CSNK2A2IP: variants seen among roughly 807,000 people sequenced by gnomAD.
CSNK2A2IP encodes casein kinase II subunit alpha'-interacting protein.
At chr3:88,405,490 G>A in the CSNK2A2IP span, among the ~76,000 whole-genome samples, 6 of 152,132 alleles carry the variant, frequency 3.9e-5, no homozygotes, top group Admixed American at 2.0e-4. Context: ...TTGATCAAAA[G>A]TCAGAAAGCT....
chr3:88,420,481 A>C, the CSNK2A2IP span, among the ~76,000 whole-genome samples: 2 of 152,168 alleles, frequency 1.3e-5, no homozygotes, highest in Non-Finnish European at 2.9e-5. Context: ...TTTTTAAATG[A>C]GATTTATAAA....
chr3:88,380,085 G>T, the CSNK2A2IP span, among the ~76,000 whole-genome samples: 2 of 151,946 alleles, frequency 1.3e-5, no homozygotes, highest in Admixed American at 1.3e-4. Flanking sequence ...GTTGACAAAA[G>T]CATACATGCT....
the CSNK2A2IP span, among the ~76,000 whole-genome samples, chr3:88,454,715 A>G: frequency 3.3e-5 from 5 of 151,962 alleles, no homozygotes; most frequent in Admixed American, 6.6e-5. Context: ...TGATATATGT[A>G]TACATTGTGA....
At chr3:88,455,920 A>G in the CSNK2A2IP span, among the ~76,000 whole-genome samples, 1 of 149,228 alleles carries the variant, frequency 6.7e-6, no homozygotes. Flanking sequence ...TTTTTTTTTG[A>G]GTGTGGATAT....
At chr3:88,365,182 G>A in the CSNK2A2IP span, among the ~76,000 whole-genome samples, 1 of 152,140 alleles carries the variant, frequency 6.6e-6, no homozygotes, top group Non-Finnish European at 1.5e-5. Context: ...ACAGCTGGAA[G>A]GATTAGAGGA....
At chr3:88,368,374 A>G in the CSNK2A2IP span, among the ~76,000 whole-genome samples, 2 of 152,052 alleles carry the variant, frequency 1.3e-5, no homozygotes, top group African/African-American at 4.8e-5. Flanking sequence ...AGTTGGCTAG[A>G]GAGTGATCGA....
At chr3:88,463,730 G>A in the CSNK2A2IP span, among the ~76,000 whole-genome samples, 1 of 152,266 alleles carries the variant, frequency 6.6e-6, no homozygotes, top group East Asian at 1.9e-4. Flanking sequence ...CAACCATTGT[G>A]GAAGTTGGCG....
the CSNK2A2IP span, among the ~76,000 whole-genome samples, chr3:88,357,356 C>T: frequency 6.6e-6 from 1 of 151,956 alleles, no homozygotes; most frequent in Admixed American, 6.6e-5. Flanking sequence ...ATGTTCTTGG[C>T]ACTTTTGCTA....
chr3:88,446,082 C>CTTTA, the CSNK2A2IP span, among the ~76,000 whole-genome samples: 69 of 99,076 alleles, frequency 7.0e-4, 2 homozygotes, highest in African/African-American at 2.5e-3. Flanking sequence ...TTCTTTCTTT[C>CTTTA]TTTCTTTCTT....
chr3:88,432,674 A>G, the CSNK2A2IP span, among the ~76,000 whole-genome samples: 2 of 151,444 alleles, frequency 1.3e-5, no homozygotes, highest in African/African-American at 2.4e-5. Flanking sequence ...TTCTAAATAC[A>G]TACAAACTAA....
chr3:88,404,362 C>T, the CSNK2A2IP span, among the ~76,000 whole-genome samples: 1 of 152,014 alleles, frequency 6.6e-6, no homozygotes, highest in African/African-American at 2.4e-5. Context: ...TCAGAGACTG[C>T]GGTAATAAGA....
chr3:88,397,617 C>T, the CSNK2A2IP span, among the ~76,000 whole-genome samples: 1 of 151,826 alleles, frequency 6.6e-6, no homozygotes, highest in Non-Finnish European at 1.5e-5. Flanking sequence ...ATTTAATAGA[C>T]TGAGGAAGAA....
At chr3:88,351,250 C>T in the CSNK2A2IP span, among the ~76,000 whole-genome samples, 6 of 151,942 alleles carry the variant, frequency 3.9e-5, no homozygotes, top group East Asian at 1.2e-3. Flanking sequence ...AAACTTCATT[C>T]ATATTAAAAA....
At chr3:88,338,685 CTA>C in the CSNK2A2IP span, 2 of 152,006 alleles carry the variant, frequency 1.3e-5, no homozygotes, top group African/African-American at 4.8e-5. Context: ...CAAGAGTGTG[CTA>C]AAGTCCTTCT....
At chr3:88,419,773 G>T in the CSNK2A2IP span, among the ~76,000 whole-genome samples, 1 of 152,040 alleles carries the variant, frequency 6.6e-6, no homozygotes, top group Non-Finnish European at 1.5e-5. Flanking sequence ...TGAATACGAA[G>T]ATTTAATGAC....
chr3:88,338,525 G>T, the CSNK2A2IP span: 1 of 152,074 alleles, frequency 6.6e-6, no homozygotes, highest in Non-Finnish European at 1.5e-5. Flanking sequence ...AAGGATCGAG[G>T]CAATGGGTTA....
At chr3:88,372,909 A>C in the CSNK2A2IP span, among the ~76,000 whole-genome samples, 2 of 151,470 alleles carry the variant, frequency 1.3e-5, no homozygotes, top group African/African-American at 4.8e-5. Context: ...TTCCTAATAA[A>C]AGTTTTGATA....
At chr3:88,394,289 A>G in the CSNK2A2IP span, among the ~76,000 whole-genome samples, 2 of 152,362 alleles carry the variant, frequency 1.3e-5, no homozygotes, top group African/African-American at 4.8e-5. Flanking sequence ...GTTTAATTTT[A>G]TCCATATCAT....
chr3:88,445,639 G>A, the CSNK2A2IP span, among the ~76,000 whole-genome samples: 1 of 151,626 alleles, frequency 6.6e-6, no homozygotes, highest in African/African-American at 2.4e-5. Flanking sequence ...GCTCACTGCA[G>A]CCTTGAACTC....
Sources: gnomAD v4.1 joint callset for allele counts (sites outside exome capture counted in the v4.1 genomes callset) on GRCh38, gnomAD v4.1.1 for gene constraint, MANE v1.5 for transcripts, NCBI Gene and HGNC (gene_info 2026-07-23, HGNC 2026-07-21) for gene names.